Variants in FMN2 observed in about 807,000 individuals in gnomAD.
FMN2 encodes formin-2.
Under a neutral mutation model 142.3 loss-of-function variants are expected in FMN2, and 51 were observed. The ratio of observed to expected loss-of-function variants is 0.36; its 90% CI spans 0.29 to 0.45. The LOEUF (loss-of-function observed/expected upper bound fraction) is 0.45. Ranked by LOEUF, FMN2 falls within the 20% of genes least tolerant of loss-of-function variation. The probability of loss-of-function intolerance (pLI) is 1.00; values close to 1 mark genes in which losing one functional copy is unlikely to be tolerated. For synonymous variants in FMN2, 882 were observed against 869.8 expected (o/e 1.01, Z -0.25); for missense variants, 1,936 against 2,122.8 (o/e 0.91, Z 1.73).
intron 2 of FMN2, among the ~76,000 whole-genome samples, chr1:240,130,632 T>C (rs1166726158): frequency 2.0e-5 from 3 of 152,186 alleles, no homozygotes; most frequent in African/African-American, 7.2e-5. Context: ...AAACAATCAC[T>C]TGCTCAAAAG....
rs10926170 is a variant in FMN2 at position 240,216,556 on chromosome 1, A to C, written c.4065+5321A>C. 6.3e-3 allele frequency among the ~76,000 whole-genome samples: 957 copies of C among 152,164 alleles called. 11 individuals carry two copies. The highest frequency in any genetic ancestry group is 0.022 in the African/African-American group (910 of 41,494). On this transcript the variant is annotated intron_variant, in intron 6 of 17. Coordinates refer to ENST00000319653, the MANE Select transcript of FMN2 (RefSeq NM_020066.5). Reference sequence around the variant, plus strand: ...CTTTAGCCTCTGGAAATCTGATCAGAAAAAAAATACATAGTTAAATGTGCT... The same window carrying C: ...CTTTAGCCTCTGGAAATCTGATCAGCAAAAAAATACATAGTTAAATGTGCT...
chr1:240,355,935 T>C (rs1463020300), intron 14 of FMN2, 27 bp downstream of exon 14: 1 of 954,034 alleles, frequency 1.0e-6, no homozygotes, highest in South Asian at 1.7e-5. Flanking sequence ...TGTGTTATGT[T>C]TTTCTCCCCT....
intron 8 of FMN2, among the ~76,000 whole-genome samples, chr1:240,326,680 C>A (rs1671181582): frequency 2.6e-5 from 4 of 151,470 alleles, no homozygotes; most frequent in Admixed American, 2.0e-4. Flanking sequence ...AACTAAGAAA[C>A]CTAATTATGT....
At chr1:240,288,468 G>A (rs1461283825) in intron 7 of FMN2, among the ~76,000 whole-genome samples, 1 of 152,066 alleles carries the variant, frequency 6.6e-6, no homozygotes, top group African/African-American at 2.4e-5. Flanking sequence ...ACAAGGTAGA[G>A]ACCCATAGAG....
rs577834491 is a variant in FMN2, at chr1:240,316,488, A to G, written c.4216-12588A>G. ...GGGGCAGGGATTGAGACTGGCAGGG[A>G]TGGATGTGGACAGGTTGCTGTGGGG... On this transcript the variant is annotated intron_variant, in intron 8 of 17. Transcript: ENST00000319653. 1.4e-4 allele frequency among the ~76,000 whole-genome samples: 21 copies of G among 152,150 alleles called. No individual in the cohort carries two copies. In the South Asian group the frequency reaches 3.9e-3, roughly 29 times the overall value.
At position 240,092,186 on chromosome 1, in the gene FMN2, C is replaced by T; in HGVS notation, c.77C>T (p.Ala26Val). Reference protein sequence around the residue: ...LHEGGGGAEDALGPRDVEATK... With the variant: ...LHEGGGGAEDVLGPRDVEATK... ...GAAGGCGGCGGTGGCGCCGAGGATG[C>T]GCTGGGGCCCAGGGATGTGGAAGCC... Residue 26 changes from alanine (A) to valine (V), a missense_variant, in exon 1 of 18, where the codon GCG becomes GTG. Ala to Val is a moderately conservative substitution (Grantham distance 64). Around this residue, in one of 8 missense-constraint regions of FMN2, gnomAD observed 751 missense variants for 791.8 expected, o/e 0.95. Coordinates refer to ENST00000319653, the MANE Select transcript of FMN2 (RefSeq NM_020066.5). The T allele has an allele frequency of 1.3e-6, 2 of 1,578,540 alleles. No homozygotes were observed. Among genetic ancestry groups the T allele is most frequent in the Non-Finnish European group, 1.7e-6 (2 of 1,163,858 alleles).
At chr1:240,339,706 C>CTGTTTA (rs150876569) in intron 13 of FMN2, among the ~76,000 whole-genome samples, 2,013 of 152,100 alleles carry the variant, frequency 0.013, 22 homozygotes, top group African/African-American at 0.029. Context: ...ATCTTTTGTT[C>CTGTTTA]TATCTGGTAG....
At chr1:240,381,793 C>T (rs568529943) in intron 14 of FMN2, among the ~76,000 whole-genome samples, 11 of 152,188 alleles carry the variant, frequency 7.2e-5, no homozygotes, top group African/African-American at 2.4e-4. Context: ...TGATAAAAAC[C>T]CTCAACAAAG....
At chr1:240,325,167 G>A (rs7526893) in intron 8 of FMN2, among the ~76,000 whole-genome samples, 10 of 151,902 alleles carry the variant, frequency 6.6e-5, no homozygotes, top group Non-Finnish European at 1.2e-4. Context: ...AGACCAGCCT[G>A]GGCAACATGG....
At chr1:240,190,426 A>G (rs1311438307) in intron 4 of FMN2, among the ~76,000 whole-genome samples, 3 of 152,226 alleles carry the variant, frequency 2.0e-5, no homozygotes, top group Non-Finnish European at 2.9e-5. Flanking sequence ...ATGTTTCATG[A>G]CAGGCTAAAG....
At chr1:240,172,150 A>G (rs1664727044) in intron 2 of FMN2, among the ~76,000 whole-genome samples, 2 of 152,206 alleles carry the variant, frequency 1.3e-5, no homozygotes, top group African/African-American at 4.8e-5. Context: ...CTAGAAACTC[A>G]TATACCCTAT....
Position 240,184,236 on chromosome 1 carries a change from C to CTTTTTTTTTT in FMN2, c.1931-3956_1931-3947dup, listed in dbSNP as rs34050336. 2.2e-3 allele frequency among the ~76,000 whole-genome samples: 172 copies of CTTTTTTTTTT among 79,448 alleles called. 7 individuals are homozygous for CTTTTTTTTTT. Among genetic ancestry groups the CTTTTTTTTTT allele is most frequent in the African/African-American group, 6.8e-3 (137 of 20,014 alleles). The allele number at this position is 79,448 out of a possible 152,430, so 52.1% of individuals were successfully genotyped here. Reference sequence around the variant, plus strand: ...AACTTTTTAAAATGGAATATTTAACCTTTTTTTTTTTTTTTTTTTTTTTTG... The same window carrying CTTTTTTTTTT: ...AACTTTTTAAAATGGAATATTTAACCTTTTTTTTTTTTTTTTTTTTTTTTTTTTTTTTTTG... On this transcript the variant is annotated intron_variant, in intron 3 of 17. Transcript: ENST00000319653.
intron 2 of FMN2, among the ~76,000 whole-genome samples, chr1:240,149,121 G>A (rs950192915): frequency 1.3e-5 from 2 of 152,126 alleles, no homozygotes; most frequent in Admixed American, 6.5e-5. Context: ...ACAAGGGGTT[G>A]TAAAACATTG....
chr1:240,102,519 T>A (rs1056507908), intron 1 of FMN2, among the ~76,000 whole-genome samples: 4 of 152,168 alleles, frequency 2.6e-5, no homozygotes, highest in Non-Finnish European at 4.4e-5. Context: ...TTGGAGAGGG[T>A]AAGTTATGTG....
intron 2 of FMN2, among the ~76,000 whole-genome samples, chr1:240,157,375 G>C (rs1042855239): frequency 1.3e-5 from 2 of 152,162 alleles, no homozygotes; most frequent in African/African-American, 4.8e-5. Flanking sequence ...ATTGCTATTA[G>C]TTTAACGCTT....
intron 4 of FMN2, among the ~76,000 whole-genome samples, chr1:240,190,870 G>A (rs2124723): frequency 0.067 from 10,159 of 152,252 alleles, 422 homozygotes; most frequent in South Asian, 0.11. Flanking sequence ...GAACTTTGAT[G>A]TGCTAAGTTG....
chr1:240,094,461 C>A (rs1417235671), intron 1 of FMN2, among the ~76,000 whole-genome samples: 1 of 152,140 alleles, frequency 6.6e-6, no homozygotes, highest in Non-Finnish European at 1.5e-5. Context: ...CACGTCTAGT[C>A]CAACTGGTAC....
intron 1 of FMN2, among the ~76,000 whole-genome samples, chr1:240,118,402 G>T (rs1467887228): frequency 6.6e-6 from 1 of 152,162 alleles, no homozygotes; most frequent in Non-Finnish European, 1.5e-5. Context: ...TGCTGGGGCT[G>T]CATGCAGAGT....
Position 240,207,444 on chromosome 1 carries a change from C to A in FMN2, c.2632C>A (p.Pro878Thr), listed in dbSNP as rs746013238. The A allele has an allele frequency of 6.2e-7, 1 of 1,613,380 alleles. No homozygotes were observed. The highest frequency in any genetic ancestry group is 1.3e-5 in the African/African-American group (1 of 74,782). Residue 878 changes from proline (P) to threonine (T), a missense_variant, in exon 5 of 18, where the codon CCC (proline) becomes ACC (threonine). By Grantham distance (38) the Pro-to-Thr change is conservative (BLOSUM62 -1). This residue lies in a region of FMN2 where 478 missense variants were observed against 462.8 expected (regional missense o/e 1.03). Transcript: ENST00000319653. ...CATGCCTGGCCTGGGCATGGTGCCTCCCCCACCTCCCCCTCTCCCTGGCAT... is the reference window on the plus strand; with the variant it reads ...CATGCCTGGCCTGGGCATGGTGCCTACCCCACCTCCCCCTCTCCCTGGCAT... Reference protein sequence around the residue: ...SSMPGLGMVPPPPPPLPGMTV... With the variant: ...SSMPGLGMVPTPPPPLPGMTV...
Sources: gnomAD v4.1 joint callset for allele counts (sites outside exome capture counted in the v4.1 genomes callset) on GRCh38, gnomAD v4.1.1 for gene constraint, gnomAD v4.1.1 regional missense constraint, MANE v1.5 for transcripts, NCBI Gene and HGNC (gene_info 2026-07-23, HGNC 2026-07-21) for gene names.